PLEKHF2: variants seen among roughly 807,000 people sequenced by gnomAD.
PLEKHF2 encodes the protein pleckstrin homology and FYVE domain containing 2.
Under a neutral mutation model 14.7 loss-of-function variants are expected in PLEKHF2, and 4 were observed. The ratio of observed to expected loss-of-function variants is 0.27; its 90% CI spans 0.13 to 0.62. The LOEUF is 0.62. Ranked by LOEUF, PLEKHF2 falls within the 20% of genes least tolerant of loss-of-function variation. PLEKHF2 has a pLI of 0.85. For synonymous variants in PLEKHF2, 90 were observed against 103.5 expected (o/e 0.87, Z 0.79); for missense variants, 201 against 307.7 (o/e 0.65, Z 2.60).
intron 1 of PLEKHF2, among the ~76,000 whole-genome samples, chr8:95,147,310 G>T (rs1314722180): frequency 2.0e-5 from 3 of 151,940 alleles, no homozygotes; most frequent in African/African-American, 7.2e-5. Context: ...GACTGTCTGG[G>T]GGAAGAATCT....
chr8:95,142,760 T>A (rs1810452464), intron 1 of PLEKHF2, among the ~76,000 whole-genome samples: 1 of 152,166 alleles, frequency 6.6e-6, no homozygotes. Flanking sequence ...ACCATGAGAT[T>A]GAAATTTTTT....
intron 1 of PLEKHF2, among the ~76,000 whole-genome samples, chr8:95,153,309 G>A (rs992343654): frequency 6.6e-6 from 1 of 152,298 alleles, no homozygotes; most frequent in South Asian, 2.1e-4. Flanking sequence ...GCAGTAGTAA[G>A]TAGTAAAAGG....
chr8:95,134,887 CTT>C (rs1810359108), intron 1 of PLEKHF2, among the ~76,000 whole-genome samples: 1 of 152,146 alleles, frequency 6.6e-6, no homozygotes, highest in African/African-American at 2.4e-5. Context: ...TAGACAGAAA[CTT>C]TGAGAGTCTT....
At chr8:95,149,966 A>G (rs2132110154) in intron 1 of PLEKHF2, among the ~76,000 whole-genome samples, 1 of 152,254 alleles carries the variant, frequency 6.6e-6, no homozygotes, top group Non-Finnish European at 1.5e-5. Flanking sequence ...TGCTGGAGGT[A>G]AATTTAGATT....
chr8:95,150,354 T>C (rs1410514970), intron 1 of PLEKHF2, among the ~76,000 whole-genome samples: 2 of 152,162 alleles, frequency 1.3e-5, no homozygotes, highest in Non-Finnish European at 2.9e-5. Flanking sequence ...TGCATGCCCA[T>C]AGTTTTTCAG....
chr8:95,144,470 T>C (rs1810473713), intron 1 of PLEKHF2, among the ~76,000 whole-genome samples: 1 of 152,204 alleles, frequency 6.6e-6, no homozygotes, highest in Admixed American at 6.5e-5. Context: ...TTTCCTCTTA[T>C]TTTGTCAGTG....
intron 1 of PLEKHF2, among the ~76,000 whole-genome samples, chr8:95,135,141 C>G (rs1433743286): frequency 6.6e-6 from 1 of 152,112 alleles, no homozygotes; most frequent in Non-Finnish European, 1.5e-5. Flanking sequence ...GGAAAGCACA[C>G]GTAATCGGCC....
At chr8:95,146,326 T>C (rs925530188) in intron 1 of PLEKHF2, among the ~76,000 whole-genome samples, 8 of 152,206 alleles carry the variant, frequency 5.3e-5, no homozygotes, top group Non-Finnish European at 7.4e-5. Flanking sequence ...TAATGCACAG[T>C]TGAATACTGA....
At chr8:95,148,056 A>G (rs1563883452) in intron 1 of PLEKHF2, among the ~76,000 whole-genome samples, 1 of 151,960 alleles carries the variant, frequency 6.6e-6, no homozygotes, top group African/African-American at 2.4e-5. Flanking sequence ...ATTTCTAAGG[A>G]CAAAAAATGG....
intron 1 of PLEKHF2, among the ~76,000 whole-genome samples, chr8:95,151,329 A>G (rs1465668917): frequency 2.0e-5 from 3 of 152,078 alleles, no homozygotes; most frequent in Non-Finnish European, 4.4e-5. Context: ...TGGACTCAGT[A>G]GTTGATTCAG....
chr8:95,135,155 A>G (rs756900468), intron 1 of PLEKHF2, among the ~76,000 whole-genome samples: 3 of 152,216 alleles, frequency 2.0e-5, no homozygotes, highest in Non-Finnish European at 2.9e-5. Flanking sequence ...ATCGGCCTCT[A>G]AATAAAACTA....
chr8:95,141,630 A>C (rs1294880853), intron 1 of PLEKHF2, among the ~76,000 whole-genome samples: 3 of 150,230 alleles, frequency 2.0e-5, no homozygotes, highest in Non-Finnish European at 4.4e-5. Context: ...GTTTCAAGCA[A>C]CTCTCTTGCC....
At chr8:95,138,359 C>CCCCCA (rs1554695924) in intron 1 of PLEKHF2, among the ~76,000 whole-genome samples, 1 of 80,188 alleles carries the variant, frequency 1.2e-5, no homozygotes, top group African/African-American at 5.0e-5. Context: ...ATCTTCCCCC[C>CCCCCA]CCCCCCGCCC....
intron 1 of PLEKHF2, among the ~76,000 whole-genome samples, chr8:95,141,784 G>C (rs1298037867): frequency 6.6e-6 from 1 of 151,526 alleles, no homozygotes; most frequent in Non-Finnish European, 1.5e-5. Flanking sequence ...AAGTGATCTG[G>C]TTGCCTCGGC....
rs1369919792 is a variant in PLEKHF2, at chr8:95,154,797, A to C, written c.*3A>C. ...ACGATGATGATAGCAGTGACTAAGG[A>C]CACATTTGGGAGTATTTAATCAGGT... On this transcript the variant is annotated 3_prime_UTR_variant, in exon 2 of 2. Coordinates refer to ENST00000315367, the MANE Select transcript of PLEKHF2 (RefSeq NM_024613.4). This position sits in a 1 kb window ranked among gnomAD's most constrained non-coding sequence, Gnocchi z 5.6. 1 of 1,612,880 alleles carries C rather than the reference A, an allele frequency of 6.2e-7. No homozygotes were observed.
At chr8:95,138,943 C>T (rs74474508) in intron 1 of PLEKHF2, among the ~76,000 whole-genome samples, 4 of 152,246 alleles carry the variant, frequency 2.6e-5, no homozygotes, top group Non-Finnish European at 4.4e-5. Context: ...GTTGTATAAA[C>T]TTTCTAAAGC....
At position 95,144,105 on chromosome 8, in the gene PLEKHF2, A is replaced by G. The variant is rs189344292; in HGVS notation, c.-14-9926A>G. The stretch of plus-strand genomic sequence containing the variant: ...GTGTATTTTATGTGTGGCCTGAGAC[A>G]GTTCTTCCAATGTGACCCAGGGAAG... On this transcript the variant is annotated intron_variant, in intron 1 of 1. Transcript: ENST00000315367. Among the ~76,000 whole-genome samples, 158 of 152,182 alleles carry G rather than the reference A, an allele frequency of 1.0e-3. 1 individual carries two copies. The highest frequency in any genetic ancestry group is 1.6e-3 in the Non-Finnish European group (111 of 67,998).
At chr8:95,153,074 C>T (rs941987343) in intron 1 of PLEKHF2, among the ~76,000 whole-genome samples, 12 of 152,008 alleles carry the variant, frequency 7.9e-5, no homozygotes, top group East Asian at 5.8e-4. Context: ...TGTGTCAAAC[C>T]GTATCAGTTT....
intron 1 of PLEKHF2, among the ~76,000 whole-genome samples, chr8:95,144,829 A>G (rs940660014): frequency 2.0e-5 from 3 of 149,604 alleles, no homozygotes; most frequent in Admixed American, 1.4e-4. Context: ...TTGCCATTGC[A>G]CTTCAGCCTA....
Sources: allele counts gnomAD v4.1 joint callset (sites outside exome capture counted in the v4.1 genomes callset), GRCh38; gene constraint gnomAD v4.1.1; non-coding constraint Gnocchi (gnomAD v3.1); transcripts MANE v1.5; gene names NCBI Gene and HGNC (gene_info 2026-07-23, HGNC 2026-07-21).